The following ANXA4 variants were observed in gnomAD, a reference collection of about 807,000 sequenced individuals.
ANXA4 encodes annexin A4.
A neutral mutation model predicts 49.8 loss-of-function variants in ANXA4; 39 were observed. The observed-to-expected ratio is 0.78, with a 90% CI of 0.61 to 1.02. The LOEUF is 1.02. ANXA4 is among the 50% of genes least tolerant of loss of function. The pLI is 0.00. For missense variants in ANXA4, 360 were observed against 410.1 expected (o/e 0.88, Z 1.05); for synonymous variants, 134 against 152.5 (o/e 0.88, Z 0.89).
chr2:69,700,147 C>G (rs902665306), intron 2 of ANXA4: 3 of 152,116 alleles, frequency 2.0e-5, no homozygotes, highest in Non-Finnish European at 4.4e-5. Flanking sequence ...ATAAAACATC[C>G]AAATGGAAAC....
At chr2:69,801,261 CA>C (rs904031803) in intron 3 of ANXA4, among the ~76,000 whole-genome samples, 1 of 152,126 alleles carries the variant, frequency 6.6e-6, no homozygotes, top group Non-Finnish European at 1.5e-5. Flanking sequence ...TTCCCTTGTG[CA>C]AGCTTTCAGT....
intron 1 of ANXA4, among the ~76,000 whole-genome samples, chr2:69,652,176 C>A (rs953657314): frequency 6.6e-6 from 1 of 151,998 alleles, no homozygotes; most frequent in Non-Finnish European, 1.5e-5. Context: ...AGCTAATTTT[C>A]TGTATTTTTA....
At chr2:69,667,236 A>G (rs929479004) in intron 2 of ANXA4, among the ~76,000 whole-genome samples, 1 of 152,126 alleles carries the variant, frequency 6.6e-6, no homozygotes, top group African/African-American at 2.4e-5. Context: ...CAAGTGTTCC[A>G]AAATTGATTG....
intron 2 of ANXA4, among the ~76,000 whole-genome samples, chr2:69,672,563 A>G (rs1172638534): frequency 6.6e-6 from 1 of 152,162 alleles, no homozygotes; most frequent in Non-Finnish European, 1.5e-5. Context: ...TTATGTATCT[A>G]ATAAATACAT....
intron 2 of ANXA4, among the ~76,000 whole-genome samples, chr2:69,717,116 G>A (rs1251366639): frequency 6.6e-6 from 1 of 152,200 alleles, no homozygotes; most frequent in Non-Finnish European, 1.5e-5. Context: ...CAGTGGTCCT[G>A]GAAGGAGGAG....
chr2:69,662,628 A>T (rs187366966), intron 2 of ANXA4, among the ~76,000 whole-genome samples: 1 of 152,128 alleles, frequency 6.6e-6, no homozygotes, highest in African/African-American at 2.4e-5. Context: ...ACTCACCAGG[A>T]TGGAGAATTT....
chr2:69,665,823 C>T (rs1676911683), intron 2 of ANXA4, among the ~76,000 whole-genome samples: 1 of 152,142 alleles, frequency 6.6e-6, no homozygotes, highest in African/African-American at 2.4e-5. Context: ...AAAGCATGTG[C>T]AAGCATATGT....
chr2:69,814,405 G>C (rs1673863939), intron 8 of ANXA4, among the ~76,000 whole-genome samples: 1 of 142,894 alleles, frequency 7.0e-6, no homozygotes, highest in South Asian at 2.2e-4. Flanking sequence ...TTGTGCAGTG[G>C]CATGATCTCG....
At chr2:69,761,960 A>G (rs1439166436) in intron 1 of ANXA4, among the ~76,000 whole-genome samples, 2 of 152,210 alleles carry the variant, frequency 1.3e-5, no homozygotes, top group African/African-American at 4.8e-5. Flanking sequence ...CACCAACTAG[A>G]TTAGTGATTA....
chr2:69,701,484 T>C (rs188317454), intron 2 of ANXA4, among the ~76,000 whole-genome samples: 1 of 152,372 alleles, frequency 6.6e-6, no homozygotes, highest in Non-Finnish European at 1.5e-5. Flanking sequence ...ACTGGCTTAT[T>C]TCACTTAGCG....
At chr2:69,675,045 C>T (rs1050352542) in intron 2 of ANXA4, among the ~76,000 whole-genome samples, 1 of 151,878 alleles carries the variant, frequency 6.6e-6, no homozygotes, top group African/African-American at 2.4e-5. Flanking sequence ...GCCTCAGCCT[C>T]CTGAGTAGCT....
intron 1 of ANXA4, among the ~76,000 whole-genome samples, chr2:69,761,981 TA>T (rs1353702554): frequency 6.6e-6 from 1 of 152,166 alleles, no homozygotes; most frequent in Non-Finnish European, 1.5e-5. Context: ...CGTGTAATAC[TA>T]GAAAAGATGC....
intron 3 of ANXA4, among the ~76,000 whole-genome samples, chr2:69,733,327 G>T (rs1442732363): frequency 2.0e-5 from 3 of 152,158 alleles, no homozygotes; most frequent in Non-Finnish European, 2.9e-5. Flanking sequence ...AATTTGGCTG[G>T]GCCTGGTGGC....
chr2:69,820,032 C>T (rs901164857), intron 11 of ANXA4, among the ~76,000 whole-genome samples: 5 of 150,700 alleles, frequency 3.3e-5, no homozygotes, highest in Admixed American at 2.6e-4. Context: ...TGCACTACTG[C>T]ACTCCAGCCT....
chr2:69,790,303 A>G (rs7577864), intron 3 of ANXA4, among the ~76,000 whole-genome samples: 29,531 of 150,650 alleles, frequency 0.2, 3,313 homozygotes, highest in East Asian at 0.33. Context: ...TCTTCTGGCT[A>G]CTTCCTGCTG....
chr2:69,795,440 T>C (rs921115467), intron 3 of ANXA4, among the ~76,000 whole-genome samples: 1 of 152,206 alleles, frequency 6.6e-6, no homozygotes, highest in East Asian at 1.9e-4. Flanking sequence ...CTATGGCCCA[T>C]TAATGAGGCA....
chr2:69,790,266 G>A (rs1558500841), intron 3 of ANXA4, among the ~76,000 whole-genome samples: 1 of 152,008 alleles, frequency 6.6e-6, no homozygotes, highest in Non-Finnish European at 1.5e-5. Context: ...ATCCATAACT[G>A]CTGCTAGGGG....
intron 1 of ANXA4, among the ~76,000 whole-genome samples, chr2:69,776,863 G>A (rs1234013774): frequency 6.6e-6 from 1 of 152,192 alleles, no homozygotes; most frequent in Non-Finnish European, 1.5e-5. Flanking sequence ...GGACAAGCTT[G>A]GGTTAAGGGA....
intron 3 of ANXA4, 63 bp downstream of exon 3, chr2:69,788,204 G>A: frequency 1.4e-6 from 2 of 1,469,044 alleles, no homozygotes; most frequent in South Asian, 1.1e-5. Flanking sequence ...TCACACAGGA[G>A]GGTGCCATGT....
Sources: allele counts gnomAD v4.1 joint callset (sites outside exome capture counted in the v4.1 genomes callset), GRCh38; gene constraint gnomAD v4.1.1; transcripts MANE v1.5; gene names NCBI Gene and HGNC (gene_info 2026-07-23, HGNC 2026-07-21).